The following ADCY2 variants were observed in gnomAD, a reference collection of about 807,000 sequenced individuals.
ADCY2 encodes the protein adenylate cyclase type 2.
Under a neutral mutation model 125.2 loss-of-function variants are expected in ADCY2, and 31 were observed. The observed-to-expected ratio is 0.25, with a 90% CI of 0.19 to 0.33. ADCY2 has a LOEUF of 0.33. ADCY2 is among the 10% of genes least tolerant of loss of function. The pLI is 1.00. For synonymous variants in ADCY2, 512 were observed against 548.4 expected (o/e 0.93, Z 0.93); for missense variants, 904 against 1,418.2 (o/e 0.64, Z 5.82).
chr5:7,662,880 T>A (rs554968759), intron 4 of ADCY2, among the ~76,000 whole-genome samples: 1 of 152,336 alleles, frequency 6.6e-6, no homozygotes, highest in East Asian at 1.9e-4. Context: ...AATCCTAGCA[T>A]GAGCAAGGAA....
chr5:7,400,852 A>G (rs544139564), intron 1 of ADCY2, among the ~76,000 whole-genome samples: 2 of 152,374 alleles, frequency 1.3e-5, no homozygotes, highest in East Asian at 3.9e-4. Context: ...AACAAAGGCC[A>G]AGGGAAAACT....
chr5:7,542,903 A>C (rs910868407), intron 3 of ADCY2, among the ~76,000 whole-genome samples: 1 of 152,222 alleles, frequency 6.6e-6, no homozygotes, highest in African/African-American at 2.4e-5. Context: ...ACTCAGGCAC[A>C]TCCACTTTAA....
At chr5:7,814,022 C>CAAA (rs202099109) in intron 22 of ADCY2, among the ~76,000 whole-genome samples, 1 of 132,896 alleles carries the variant, frequency 7.5e-6, no homozygotes, top group African/African-American at 2.6e-5. Context: ...AGTCGTGAGA[C>CAAA]AAAAAAAAAA....
At chr5:7,444,807 T>G (rs548369291) in intron 2 of ADCY2, among the ~76,000 whole-genome samples, 26 of 152,268 alleles carry the variant, frequency 1.7e-4, no homozygotes, top group Non-Finnish European at 3.7e-4. Flanking sequence ...ATCACACAGT[T>G]AGAGAAACGA....
rs113081833 is a variant in ADCY2, at chr5:7,618,295, C to A, written c.571-7872C>A. Among the ~76,000 whole-genome samples the A allele has an allele frequency of 4.3e-4, 66 of 152,252 alleles. 1 individual carries two copies. Among genetic ancestry groups the A allele is most frequent in the African/African-American group, 1.6e-3 (65 of 41,544 alleles). On this transcript the variant is annotated intron_variant, in intron 3 of 24. Transcript: ENST00000338316. ...TGTTTTCTGATTCAGTCATAATCAG[C>A]GGGGCACTCTGCACTTTTTATGTGT...
chr5:7,694,022 G>A (rs1353068805), intron 5 of ADCY2, among the ~76,000 whole-genome samples: 1 of 152,206 alleles, frequency 6.6e-6, no homozygotes, highest in Non-Finnish European at 1.5e-5. Flanking sequence ...AAAAGAAGTA[G>A]GGATGATTTC....
chr5:7,501,643 C>T (rs1743583040), intron 2 of ADCY2, among the ~76,000 whole-genome samples: 1 of 71,458 alleles, frequency 1.4e-5, no homozygotes, highest in Non-Finnish European at 3.2e-5. Flanking sequence ...TGAGATTCCC[C>T]CCTCCCCCCC....
At chr5:7,619,297 G>A (rs1221219410) in intron 3 of ADCY2, among the ~76,000 whole-genome samples, 6 of 152,148 alleles carry the variant, frequency 3.9e-5, no homozygotes, top group Admixed American at 2.6e-4. Context: ...AGGTGCTCTC[G>A]GAATTGGGCT....
intron 2 of ADCY2, among the ~76,000 whole-genome samples, chr5:7,457,915 T>C (rs1352780159): frequency 6.6e-6 from 1 of 152,232 alleles, no homozygotes; most frequent in African/African-American, 2.4e-5. Context: ...ATTTGACTAA[T>C]AATAGCAGAC....
At chr5:7,411,052 T>C (rs980051821) in intron 1 of ADCY2, among the ~76,000 whole-genome samples, 12 of 152,320 alleles carry the variant, frequency 7.9e-5, no homozygotes, top group Admixed American at 7.2e-4. Flanking sequence ...GACTGTGGCC[T>C]GTAAGCTCGT....
At chr5:7,613,951 C>T (rs989409358) in intron 3 of ADCY2, among the ~76,000 whole-genome samples, 1 of 152,182 alleles carries the variant, frequency 6.6e-6, no homozygotes, top group Admixed American at 6.5e-5. Context: ...GCAGGCTTTA[C>T]GTTAAAGTTA....
chr5:7,574,975 G>A (rs1489615557), intron 3 of ADCY2, among the ~76,000 whole-genome samples: 1 of 152,126 alleles, frequency 6.6e-6, no homozygotes, highest in African/African-American at 2.4e-5. Flanking sequence ...TTATAGTATT[G>A]TATGAAGAAA....
At chr5:7,702,630 A>G (rs961857312) in intron 7 of ADCY2, among the ~76,000 whole-genome samples, 1 of 152,156 alleles carries the variant, frequency 6.6e-6, no homozygotes, top group African/African-American at 2.4e-5. Context: ...TCTATCACTG[A>G]TGGACATTTG....
At chr5:7,435,524 A>G (rs1740765243) in intron 2 of ADCY2, among the ~76,000 whole-genome samples, 1 of 152,238 alleles carries the variant, frequency 6.6e-6, no homozygotes, top group South Asian at 2.1e-4. Flanking sequence ...TTCTAAGTGC[A>G]GGAAACACTC....
chr5:7,730,626 T>A (rs1266601869), intron 14 of ADCY2, among the ~76,000 whole-genome samples: 1 of 152,196 alleles, frequency 6.6e-6, no homozygotes, highest in East Asian at 1.9e-4. Context: ...TCTACTTTAT[T>A]TCACAGTTCT....
intron 3 of ADCY2, among the ~76,000 whole-genome samples, chr5:7,548,995 T>G (rs1336438200): frequency 3.3e-5 from 5 of 152,102 alleles, no homozygotes; most frequent in African/African-American, 1.2e-4. Context: ...CAGGTGGTGT[T>G]TTTGGAGGCG....
chr5:7,805,923 G>C (rs1744747742), intron 22 of ADCY2, among the ~76,000 whole-genome samples: 1 of 152,116 alleles, frequency 6.6e-6, no homozygotes, highest in African/African-American at 2.4e-5. Flanking sequence ...GTTGCCTTCA[G>C]ATTATTATTT....
In ADCY2 at chr5:7,709,729, T is replaced by C. The variant is rs950667039; in HGVS notation, c.1578+342T>C. ...AAGTAGAAAGCCTTGAGGTTCTTAA[T>C]AAAAAGACAAAGGCATGATGCCCTT... On this transcript the variant is annotated intron_variant, in intron 10 of 24. Transcript: ENST00000338316. The surrounding 1 kb of genome is among the most constrained non-coding windows in gnomAD (Gnocchi z 4.4). Among the ~76,000 whole-genome samples the C allele has an allele frequency of 6.6e-6, 1 of 152,210 alleles. No homozygotes were observed. Among genetic ancestry groups the C allele is most frequent in the East Asian group, 1.9e-4 (1 of 5,196 alleles).
chr5:7,541,436 G>A (rs1158773924), intron 3 of ADCY2, among the ~76,000 whole-genome samples: 2 of 152,210 alleles, frequency 1.3e-5, no homozygotes, highest in East Asian at 1.9e-4. Context: ...TGTTTAATCA[G>A]GGGAATGTCA....
Sources: gnomAD v4.1 joint callset for allele counts (sites outside exome capture counted in the v4.1 genomes callset) on GRCh38, gnomAD v4.1.1 for gene constraint, Gnocchi (gnomAD v3.1) non-coding constraint, MANE v1.5 for transcripts, NCBI Gene and HGNC (gene_info 2026-07-23, HGNC 2026-07-21) for gene names.